Variants in TBC1D22A observed in about 807,000 individuals in gnomAD.
TBC1D22A encodes putative GTPase activator.
TBC1D22A carries 38 observed loss-of-function variants against 60.2 expected under a neutral mutation model. That is an observed-to-expected ratio of 0.63 (90% confidence interval 0.49 to 0.83). The LOEUF is 0.83. TBC1D22A is among the 40% of genes least tolerant of loss of function. The probability of loss-of-function intolerance (pLI) is 0.00; values close to 1 mark genes in which losing one functional copy is unlikely to be tolerated. For synonymous variants in TBC1D22A, 302 were observed against 281.7 expected (o/e 1.07, Z -0.72); for missense variants, 628 against 701.0 (o/e 0.90, Z 1.18).
intron 8 of TBC1D22A, among the ~76,000 whole-genome samples, chr22:46,924,874 T>A (rs2070961595): frequency 6.6e-6 from 1 of 152,206 alleles, no homozygotes; most frequent in South Asian, 2.1e-4. Context: ...GCTGGAGGAC[T>A]GCTAGGGTTG....
At chr22:47,170,664 C>T (rs4823609) in intron 12 of TBC1D22A, among the ~76,000 whole-genome samples, 62,002 of 116,104 alleles carry the variant, frequency 0.53, 13,990 homozygotes, top group East Asian at 0.64. Flanking sequence ...GTGTGTAACC[C>T]TCCTGATGCA....
intron 10 of TBC1D22A, among the ~76,000 whole-genome samples, chr22:47,022,664 C>A (rs1286015090): frequency 1.3e-5 from 2 of 152,120 alleles, no homozygotes; most frequent in Non-Finnish European, 2.9e-5. Flanking sequence ...GGGGAAGAAC[C>A]GCTTGAAATG....
intron 4 of TBC1D22A, among the ~76,000 whole-genome samples, chr22:46,849,153 C>A (rs901648035): frequency 3.3e-5 from 5 of 152,222 alleles, no homozygotes; most frequent in African/African-American, 1.2e-4. Flanking sequence ...TATTCTGATG[C>A]TGGACAATTC....
At chr22:46,844,834 C>T (rs767850610) in intron 4 of TBC1D22A, among the ~76,000 whole-genome samples, 1 of 152,118 alleles carries the variant, frequency 6.6e-6, no homozygotes, top group African/African-American at 2.4e-5. Context: ...CTACTGGGCT[C>T]TTAAGTGGAG....
At chr22:46,932,816 C>A (rs11090915) in intron 8 of TBC1D22A, among the ~76,000 whole-genome samples, 1 of 150,100 alleles carries the variant, frequency 6.7e-6, no homozygotes, top group Non-Finnish European at 1.5e-5. Context: ...CCTCTGCCTC[C>A]CAGGTTCAAG....
At chr22:47,114,550 C>A (rs1365190996) in intron 12 of TBC1D22A, among the ~76,000 whole-genome samples, 1 of 152,030 alleles carries the variant, frequency 6.6e-6, no homozygotes, top group African/African-American at 2.4e-5. Context: ...CTGAGGAGTC[C>A]TGGTGAGCAC....
At chr22:47,128,637 C>T (rs915198792) in intron 12 of TBC1D22A, among the ~76,000 whole-genome samples, 9 of 152,024 alleles carry the variant, frequency 5.9e-5, no homozygotes, top group Non-Finnish European at 1.2e-4. Context: ...TCACAGCTAT[C>T]CGTGTGTTTA....
intron 12 of TBC1D22A, among the ~76,000 whole-genome samples, chr22:47,162,927 C>T (rs2068053386): frequency 6.6e-6 from 1 of 152,214 alleles, no homozygotes; most frequent in Admixed American, 6.5e-5. Context: ...CACCATGTGT[C>T]TGAAAGTTTC....
chr22:47,096,141 T>A (rs2065163733), intron 11 of TBC1D22A, among the ~76,000 whole-genome samples: 3 of 152,256 alleles, frequency 2.0e-5, no homozygotes, highest in Admixed American at 2.0e-4. Context: ...GTTTCATTTT[T>A]AAAAAGCTTC....
At chr22:46,905,379 T>G (rs886490617) in intron 7 of TBC1D22A, among the ~76,000 whole-genome samples, 2 of 152,218 alleles carry the variant, frequency 1.3e-5, no homozygotes, top group African/African-American at 4.8e-5. Context: ...GCTTCATAGC[T>G]TGCCAGCATG....
intron 11 of TBC1D22A, among the ~76,000 whole-genome samples, chr22:47,091,544 G>C (rs796090288): frequency 4.8e-5 from 6 of 123,784 alleles, no homozygotes; most frequent in South Asian, 2.9e-4. Context: ...TCGTCTTTGG[G>C]GGGGTGTGGC....
chr22:46,770,947 C>T lies in TBC1D22A; in HGVS notation c.62+8099C>T, dbSNP rs991505139. ...GTGAGTGGAGATGACCTTCCTGTGA[C>T]GGGGGCCGCGGAAGAGCTGGTGGGT... On this transcript the variant is annotated intron_variant, in intron 1 of 12. Coordinates refer to ENST00000337137, the MANE Select transcript of TBC1D22A (RefSeq NM_014346.5). 2.6e-5 allele frequency among the ~76,000 whole-genome samples: 4 copies of T among 152,108 alleles called. No homozygotes were observed. The East Asian group carries it at 5.8e-4, about 22-fold the overall frequency.
intron 8 of TBC1D22A, among the ~76,000 whole-genome samples, chr22:46,924,505 C>G (rs1322554797): frequency 4.6e-5 from 7 of 151,986 alleles, no homozygotes; most frequent in African/African-American, 1.7e-4. Context: ...GCTTATAATC[C>G]CAGCACTTTG....
At chr22:47,076,166 T>C (rs1486922348) in intron 11 of TBC1D22A, among the ~76,000 whole-genome samples, 1 of 151,890 alleles carries the variant, frequency 6.6e-6, no homozygotes. Context: ...GCATAGAAGA[T>C]TACAACAGTA....
intron 1 of TBC1D22A, among the ~76,000 whole-genome samples, chr22:46,785,794 A>G (rs1047422310): frequency 6.6e-6 from 1 of 152,188 alleles, no homozygotes; most frequent in Non-Finnish European, 1.5e-5. Context: ...TTGTTTTGAG[A>G]CAAGGTCCTG....
chr22:46,910,786 C>G (rs1031691829), intron 7 of TBC1D22A, among the ~76,000 whole-genome samples: 1 of 151,976 alleles, frequency 6.6e-6, no homozygotes, highest in Non-Finnish European at 1.5e-5. Context: ...ACCCAGGGTG[C>G]GGGAGTGGCA....
At chr22:46,879,427 T>C (rs1008746588) in intron 5 of TBC1D22A, among the ~76,000 whole-genome samples, 2 of 152,228 alleles carry the variant, frequency 1.3e-5, no homozygotes, top group African/African-American at 2.4e-5. Flanking sequence ...TTTTCCTTTT[T>C]CATTATTTTT....
chr22:46,957,694 C>A (rs1222083277), intron 8 of TBC1D22A, among the ~76,000 whole-genome samples: 1 of 152,230 alleles, frequency 6.6e-6, no homozygotes, highest in African/African-American at 2.4e-5. Flanking sequence ...ACAGCGTGGG[C>A]CAGCTAAGCT....
chr22:47,036,812 C>T (rs958888335), intron 10 of TBC1D22A, among the ~76,000 whole-genome samples: 28 of 152,302 alleles, frequency 1.8e-4, no homozygotes, highest in South Asian at 8.3e-4. Context: ...GGTGTTAGGG[C>T]GTGAAGCACC....
Sources: gnomAD v4.1 joint callset for allele counts (sites outside exome capture counted in the v4.1 genomes callset) on GRCh38, gnomAD v4.1.1 for gene constraint, MANE v1.5 for transcripts, NCBI Gene and HGNC (gene_info 2026-07-23, HGNC 2026-07-21) for gene names.